VTI1A: variants seen among roughly 807,000 people sequenced by gnomAD.
VTI1A encodes the protein vesicle transport through interaction with t-SNAREs 1A, also known as vesicle transport through interaction with t-SNAREs homolog 1A.
Under a neutral mutation model 34.9 loss-of-function variants are expected in VTI1A, and 22 were observed. That is an observed-to-expected ratio of 0.63 (90% confidence interval 0.45 to 0.90). The LOEUF is 0.90. Among genes scored for constraint, VTI1A ranks in the 40% least tolerant of loss-of-function variants. The probability of loss-of-function intolerance (pLI) is 0.00; values close to 1 mark genes in which losing one functional copy is unlikely to be tolerated. For missense variants in VTI1A, 268 were observed against 275.6 expected (o/e 0.97, Z 0.20); for synonymous variants, 87 against 97.3 (o/e 0.89, Z 0.62).
the VTI1A span, among the ~76,000 whole-genome samples, chr10:112,852,489 C>T: frequency 6.6e-6 from 1 of 152,222 alleles, no homozygotes. Flanking sequence ...GCAGTGCCAG[C>T]ATCATGGGGC....
intron 5 of VTI1A, among the ~76,000 whole-genome samples, chr10:112,635,138 G>T (rs913227581): frequency 6.6e-6 from 1 of 152,188 alleles, no homozygotes; most frequent in African/African-American, 2.4e-5. Context: ...GCCAGGCACT[G>T]TGCTCATTAT....
the VTI1A span, among the ~76,000 whole-genome samples, chr10:112,853,552 A>G: frequency 6.6e-6 from 1 of 152,174 alleles, no homozygotes; most frequent in Non-Finnish European, 1.5e-5. Flanking sequence ...TCAAAAGGTA[A>G]TGGACTGTAC....
chr10:112,744,438 G>T (rs1850812492), intron 7 of VTI1A, among the ~76,000 whole-genome samples: 1 of 149,674 alleles, frequency 6.7e-6, no homozygotes, highest in African/African-American at 2.5e-5. Context: ...ATGCTTACAT[G>T]CTTACATTTT....
chr10:112,526,239 T>G (rs1046988357), intron 3 of VTI1A, among the ~76,000 whole-genome samples: 3 of 152,204 alleles, frequency 2.0e-5, no homozygotes, highest in African/African-American at 4.8e-5. Flanking sequence ...CATGAATTGC[T>G]TGCAGACATG....
At chr10:112,667,578 A>G (rs1389185708) in intron 5 of VTI1A, among the ~76,000 whole-genome samples, 1 of 152,204 alleles carries the variant, frequency 6.6e-6, no homozygotes, top group Non-Finnish European at 1.5e-5. Flanking sequence ...TTCTGGGGTG[A>G]AAACACTGTC....
chr10:112,524,343 C>T (rs1850140582), intron 3 of VTI1A, among the ~76,000 whole-genome samples: 2 of 152,070 alleles, frequency 1.3e-5, no homozygotes, highest in East Asian at 1.9e-4. Context: ...ATTGTTGTGT[C>T]GTGCTCATGA....
intron 7 of VTI1A, among the ~76,000 whole-genome samples, chr10:112,803,094 G>T (rs1054571030): frequency 1.3e-5 from 2 of 152,092 alleles, no homozygotes; most frequent in Non-Finnish European, 2.9e-5. Flanking sequence ...TTGAGACGAA[G>T]TTTCGCTCTT....
At chr10:112,776,861 A>G (rs1366286729) in intron 7 of VTI1A, among the ~76,000 whole-genome samples, 2 of 151,920 alleles carry the variant, frequency 1.3e-5, no homozygotes, top group Non-Finnish European at 2.9e-5. Flanking sequence ...TATTTTTAGT[A>G]TAGACGGGGT....
intron 5 of VTI1A, among the ~76,000 whole-genome samples, chr10:112,615,283 A>T (rs528494745): frequency 1.3e-5 from 2 of 152,358 alleles, no homozygotes; most frequent in African/African-American, 4.8e-5. Context: ...GATACTATAG[A>T]TGGAGAGATT....
intron 3 of VTI1A, among the ~76,000 whole-genome samples, chr10:112,492,173 C>T (rs1848847927): frequency 6.6e-6 from 1 of 152,188 alleles, no homozygotes; most frequent in African/African-American, 2.4e-5. Context: ...CCAATCTCCC[C>T]TTTTCCACCC....
At chr10:112,576,196 G>A (rs898141957) in intron 5 of VTI1A, among the ~76,000 whole-genome samples, 4 of 149,808 alleles carry the variant, frequency 2.7e-5, no homozygotes, top group Non-Finnish European at 5.9e-5. Flanking sequence ...AATTTTTTGT[G>A]TTTTTAGTAG....
At chr10:112,470,818 C>T (rs1296778842) in intron 3 of VTI1A, among the ~76,000 whole-genome samples, 3 of 152,006 alleles carry the variant, frequency 2.0e-5, no homozygotes, top group African/African-American at 2.4e-5. Flanking sequence ...CCCAGGAGGC[C>T]GAAGTTGCAG....
chr10:112,671,911 A>C (rs1040380527), intron 7 of VTI1A: 6 of 152,118 alleles, frequency 3.9e-5, no homozygotes. Flanking sequence ...TTCCTTAGTA[A>C]ATATTTAATG....
chr10:112,486,628 C>T (rs571642585), intron 3 of VTI1A, among the ~76,000 whole-genome samples: 1 of 58,672 alleles, frequency 1.7e-5, no homozygotes, highest in Admixed American at 1.3e-4. Context: ...ACACAATAAT[C>T]ATTAGAAATA....
chr10:112,627,288 T>C (rs75574407), intron 5 of VTI1A, among the ~76,000 whole-genome samples: 111 of 152,326 alleles, frequency 7.3e-4, no homozygotes, highest in African/African-American at 2.7e-3. Flanking sequence ...TTATCATTGA[T>C]GAAAATACCT....
At chr10:112,776,138 T>C (rs760549967) in intron 7 of VTI1A, among the ~76,000 whole-genome samples, 9 of 152,194 alleles carry the variant, frequency 5.9e-5, no homozygotes, top group Non-Finnish European at 1.0e-4. Context: ...AATAACACCA[T>C]TGTTGCTGCA....
At chr10:112,667,764 T>C (rs890634133) in intron 5 of VTI1A, among the ~76,000 whole-genome samples, 1 of 152,194 alleles carries the variant, frequency 6.6e-6, no homozygotes, top group African/African-American at 2.4e-5. Flanking sequence ...GGATTACTTA[T>C]GCAGGGTGAA....
At chr10:112,681,838 T>C (rs1359320639) in intron 7 of VTI1A, among the ~76,000 whole-genome samples, 1 of 152,206 alleles carries the variant, frequency 6.6e-6, no homozygotes, top group Non-Finnish European at 1.5e-5. Flanking sequence ...ATGCAAAGAA[T>C]GTTGGCAGAG....
At chr10:112,721,127 AC>A (rs1161117293) in intron 7 of VTI1A, among the ~76,000 whole-genome samples, 2 of 152,096 alleles carry the variant, frequency 1.3e-5, no homozygotes, top group African/African-American at 4.8e-5. Flanking sequence ...TTTCAATGGC[AC>A]CTACATAGTG....
Sources: allele counts gnomAD v4.1 joint callset (sites outside exome capture counted in the v4.1 genomes callset), GRCh38; gene constraint gnomAD v4.1.1; transcripts MANE v1.5; gene names NCBI Gene and HGNC (gene_info 2026-07-23, HGNC 2026-07-21).